The following STK32A variants were observed in gnomAD, a reference collection of about 807,000 sequenced individuals.
The protein encoded by STK32A is serine/threonine-protein kinase 32A.
In STK32A, 41 loss-of-function variants were observed where a neutral mutation model predicts 53.2. The ratio of observed to expected loss-of-function variants is 0.77; its 90% CI spans 0.60 to 1.00. The LOEUF (loss-of-function observed/expected upper bound fraction) is 1.00. STK32A is among the 50% of genes least tolerant of loss of function. The pLI, the probability that STK32A is intolerant of heterozygous loss-of-function variation, is 0.00. For synonymous variants in STK32A, 166 were observed against 162.8 expected, an observed-to-expected ratio of 1.02 and a Z score of -0.15; for missense variants, 458 against 485.8, an observed-to-expected ratio of 0.94 and a Z score of 0.54.
At chr5:147,366,520 C>A (rs1417752849) in intron 8 of STK32A, among the ~76,000 whole-genome samples, 1 of 152,114 alleles carries the variant, frequency 6.6e-6, no homozygotes, top group East Asian at 1.9e-4. Context: ...TCACCTATGA[C>A]AAAATAGCAC....
At chr5:147,395,845 T>C in the STK32A span, 1 of 1,162,680 alleles carries the variant, frequency 8.6e-7, no homozygotes, top group Non-Finnish European at 1.2e-6. Context: ...ATAATAAAGA[T>C]AATTTGAGGA....
chr5:147,366,966 C>T (rs1756777604), intron 8 of STK32A, among the ~76,000 whole-genome samples: 1 of 151,448 alleles, frequency 6.6e-6, no homozygotes, highest in Non-Finnish European at 1.5e-5. Flanking sequence ...AATCTATAGG[C>T]ATATCAATTT....
At chr5:147,375,596 C>T (rs1257779911) in intron 11 of STK32A, 8 of 166,486 alleles carry the variant, frequency 4.8e-5, no homozygotes, top group Non-Finnish European at 9.0e-5. Flanking sequence ...TTGTTTTGGA[C>T]CTCACTCCTG....
At chr5:147,372,490 C>T (rs1036726175) in intron 9 of STK32A, among the ~76,000 whole-genome samples, 11 of 151,814 alleles carry the variant, frequency 7.2e-5, no homozygotes, top group African/African-American at 2.4e-4. Flanking sequence ...CCAAGACAGC[C>T]CTGCTTCACT....
chr5:147,384,962 A>C lies in STK32A; in HGVS notation c.*979A>C, dbSNP rs7714240. 11,476 of 152,628 alleles carry C rather than the reference A, an allele frequency of 0.075. 1,189 individuals are homozygous for C. Among genetic ancestry groups the C allele is most frequent in the African/African-American group, 0.22 (9,110 of 41,480 alleles). 9.5% of individuals were successfully genotyped at this position (152,628 alleles called of 1,614,324 possible). On this transcript the variant is annotated 3_prime_UTR_variant, in exon 13 of 13. Transcript: ENST00000397936. ...GAAAAACCCCTTAAATTACCCATAA[A>C]GTATATGGGAAGTATCTTTTCTCAG... is the stretch of plus-strand genomic sequence containing the variant.
chr5:147,362,851 G>A (rs1394238296), intron 8 of STK32A, among the ~76,000 whole-genome samples: 1 of 152,148 alleles, frequency 6.6e-6, no homozygotes, highest in Non-Finnish European at 1.5e-5. Flanking sequence ...AGAGGTAGGA[G>A]GCAGGAGGAT....
At chr5:147,249,930 A>C (rs1361138892) in intron 2 of STK32A, among the ~76,000 whole-genome samples, 1 of 151,298 alleles carries the variant, frequency 6.6e-6, no homozygotes, top group Non-Finnish European at 1.5e-5. Flanking sequence ...AAAAAAAAAA[A>C]AAGTGGCCTC....
chr5:147,393,819 G>A, the STK32A span: 1 of 572,696 alleles, frequency 1.7e-6, no homozygotes, highest in Non-Finnish European at 3.1e-6. Context: ...GGGGAGGGGA[G>A]TCAAACAAAT....
At chr5:147,290,994 C>A (rs77333772) in intron 4 of STK32A, among the ~76,000 whole-genome samples, 41,977 of 151,820 alleles carry the variant, frequency 0.28, 6,033 homozygotes, top group South Asian at 0.5. Context: ...TTCTTTATAT[C>A]ACAAATTACA....
chr5:147,309,607 G>T lies in STK32A; in HGVS notation c.261-14291G>T, dbSNP rs530029315. 2.0e-5 allele frequency among the ~76,000 whole-genome samples: 3 copies of T among 152,270 alleles called. No homozygotes were observed. The South Asian group carries it at 6.2e-4, about 32-fold the overall frequency. ...GACTAAGTTTGATGAATTGAAAAGC[G>T]TAGTTGTAGAAAGGAAACTCAAGAA... On this transcript the variant is annotated intron_variant, in intron 4 of 12. Transcript: ENST00000397936.
At position 147,239,559 on chromosome 5, in the gene STK32A, G is replaced by T; in HGVS notation, c.-76G>T. The T allele has an allele frequency of 8.6e-7, 1 of 1,159,592 alleles. No homozygotes were observed. Among genetic ancestry groups the T allele is most frequent in the Admixed American group, 2.4e-5 (1 of 42,264 alleles). The allele number at this position is 1,159,592 out of a possible 1,614,324, so 71.8% of individuals were successfully genotyped here. ...CCTAGATATCCAACTAAGGCTTCGG[G>T]ACATGTTTTGAGCGAAGATGGGTGT... On this transcript the variant is annotated 5_prime_UTR_variant, in exon 2 of 13. Coordinates refer to ENST00000397936, the MANE Select transcript of STK32A (RefSeq NM_001112724.2).
chr5:147,311,452 G>A (rs76035760), intron 4 of STK32A, among the ~76,000 whole-genome samples: 11,234 of 152,210 alleles, frequency 0.074, 780 homozygotes, highest in East Asian at 0.21. Flanking sequence ...GGTTAGAAAT[G>A]AGCAGGGCAC....
At chr5:147,353,212 G>A (rs1756066463) in intron 7 of STK32A, among the ~76,000 whole-genome samples, 1 of 152,214 alleles carries the variant, frequency 6.6e-6, no homozygotes, top group East Asian at 1.9e-4. Flanking sequence ...GTGAGAGCCA[G>A]ATCAATCCTC....
intron 11 of STK32A, among the ~76,000 whole-genome samples, chr5:147,381,912 G>A (rs1757468837): frequency 6.6e-6 from 1 of 152,118 alleles, no homozygotes; most frequent in African/African-American, 2.4e-5. Context: ...TGGAAGAAGA[G>A]GAATTGTCTT....
intron 5 of STK32A, among the ~76,000 whole-genome samples, chr5:147,335,833 G>A (rs941890260): frequency 1.1e-4 from 17 of 152,226 alleles, no homozygotes; most frequent in Admixed American, 5.2e-4. Context: ...GCGTGTGTGC[G>A]CGCATGTGTG....
intron 2 of STK32A, among the ~76,000 whole-genome samples, chr5:147,269,901 C>G (rs1754957521): frequency 6.6e-6 from 1 of 152,180 alleles, no homozygotes; most frequent in South Asian, 2.1e-4. Flanking sequence ...GGGAGATAAT[C>G]AGTTGTTTTA....
chr5:147,375,330 G>GA, intron 11 of STK32A, 112 bp downstream of exon 11: 1 of 1,358,892 alleles, frequency 7.4e-7, no homozygotes, highest in Admixed American at 2.8e-5. Context: ...GCTGCTTAGT[G>GA]AAATAGGAGA....
At chr5:147,376,137 A>G (rs1757222307) in intron 11 of STK32A, among the ~76,000 whole-genome samples, 1 of 152,180 alleles carries the variant, frequency 6.6e-6, no homozygotes, top group Non-Finnish European at 1.5e-5. Flanking sequence ...CTGCAAACAA[A>G]TAAGTATCCT....
chr5:147,401,465 T>G, the STK32A span: 2 of 1,487,752 alleles, frequency 1.3e-6, no homozygotes, highest in Admixed American at 4.5e-5. Context: ...ATGGGACTGC[T>G]CCTGTCCTCA....
Sources: gnomAD v4.1 joint callset for allele counts (sites outside exome capture counted in the v4.1 genomes callset) on GRCh38, gnomAD v4.1.1 for gene constraint, MANE v1.5 for transcripts, NCBI Gene and HGNC (gene_info 2026-07-23, HGNC 2026-07-21) for gene names.